TRPC5: variants seen among roughly 807,000 people sequenced by gnomAD.
TRPC5 encodes transient receptor potential cation channel subfamily C member 5.
Under a neutral mutation model 56.5 loss-of-function variants are expected in TRPC5, and 9 were observed. The observed-to-expected ratio is 0.16, with a 90% confidence interval of 0.10 to 0.28. The LOEUF (loss-of-function observed/expected upper bound fraction) is 0.28, where lower values mean the gene tolerates loss of function less well. Ranked by LOEUF, TRPC5 falls within the 10% of genes least tolerant of loss-of-function variation. The pLI, the probability that TRPC5 is intolerant of heterozygous loss-of-function variation, is 1.00. For synonymous variants in TRPC5, 282 were observed against 278.5 expected (o/e 1.01, Z -0.13); for missense variants, 469 against 748.9 (o/e 0.63, Z 4.36).
intron 1 of TRPC5, among the ~76,000 whole-genome samples, chrX:111,999,920 C>T (rs917271638): frequency 7.2e-5 from 8 of 111,316 alleles, no homozygotes; most frequent in African/African-American, 2.0e-4. Flanking sequence ...GACCCGAGAT[C>T]GCACCACTGC....
At chrX:111,978,916 G>A (rs187358059) in intron 1 of TRPC5, among the ~76,000 whole-genome samples, 153 of 110,833 alleles carry the variant, frequency 1.4e-3, no homozygotes, top group African/African-American at 2.1e-3. Context: ...AAAAAGACCC[G>A]CAGCTAACAT....
chrX:111,828,791 CA>C (rs984576509), intron 7 of TRPC5, among the ~76,000 whole-genome samples: 43 of 111,728 alleles, frequency 3.8e-4, no homozygotes, highest in Non-Finnish European at 3.2e-4. Flanking sequence ...TGGCTTTGAC[CA>C]AAATGCTGAT....
intron 1 of TRPC5, among the ~76,000 whole-genome samples, chrX:111,994,619 A>T: frequency 9.0e-6 from 1 of 111,298 alleles, no homozygotes. Context: ...GGTCCTTCAC[A>T]TCCCTTGTAT....
intron 3 of TRPC5, among the ~76,000 whole-genome samples, chrX:111,895,338 G>A (rs774619890): frequency 9.0e-6 from 1 of 111,543 alleles, no homozygotes; most frequent in Non-Finnish European, 1.9e-5. Context: ...CCTCTATGAA[G>A]TGCCAGTTCA....
intron 3 of TRPC5, among the ~76,000 whole-genome samples, chrX:111,883,316 C>G (rs1292592902): frequency 8.9e-6 from 1 of 111,979 alleles, no homozygotes. Flanking sequence ...CCAACTGGGA[C>G]CTATTCAGGG....
chrX:111,935,290 C>A (rs1926534242), intron 2 of TRPC5, among the ~76,000 whole-genome samples: 1 of 111,973 alleles, frequency 8.9e-6, no homozygotes, highest in South Asian at 3.7e-4. Flanking sequence ...CTTTGTAGAT[C>A]TTTTGCCTAT....
intron 1 of TRPC5, among the ~76,000 whole-genome samples, chrX:111,994,716 G>A (rs1928470209): frequency 9.0e-6 from 1 of 111,181 alleles, no homozygotes; most frequent in Non-Finnish European, 1.9e-5. Context: ...TCTGTTAATG[G>A]TGTACAGGAA....
chrX:111,984,298 C>T lies in TRPC5; in HGVS notation c.-21-31857G>A, dbSNP rs754717298. 6.3e-5 allele frequency among the ~76,000 whole-genome samples: 7 copies of T among 111,778 alleles called. No homozygotes were observed. In the East Asian group the frequency reaches 8.5e-4, roughly 14 times the overall value. Reference sequence around the variant, plus strand: ...GTTCGGCTGGGTGATGTAGCTCAAGCGACAGAGAAGCTTGCACAGCAGCCT... The same window carrying T: ...GTTCGGCTGGGTGATGTAGCTCAAGTGACAGAGAAGCTTGCACAGCAGCCT... On this transcript the variant is annotated intron_variant, in intron 1 of 10. Transcript: ENST00000262839.
intron 2 of TRPC5, among the ~76,000 whole-genome samples, chrX:111,923,396 C>A (rs750434471): frequency 1.8e-5 from 2 of 111,403 alleles, no homozygotes; most frequent in Admixed American, 9.6e-5. Flanking sequence ...AAGATAGGAG[C>A]TAAATCTATG....
At chrX:111,918,774 T>C (rs1926044764) in intron 2 of TRPC5, among the ~76,000 whole-genome samples, 1 of 110,262 alleles carries the variant, frequency 9.1e-6, no homozygotes, top group African/African-American at 3.3e-5. Flanking sequence ...GGACAGAGAG[T>C]AGGGTGCTAG....
intron 1 of TRPC5, among the ~76,000 whole-genome samples, chrX:112,051,656 A>G (rs1396244178): frequency 8.9e-6 from 1 of 112,424 alleles, no homozygotes; most frequent in Admixed American, 9.4e-5. Context: ...AAAATTTACC[A>G]TCTTAACCAG....
rs1569527962 is a variant in TRPC5 at position 111,909,347 on chromosome X, TA to T, written c.900+2943del. On this transcript the variant is annotated intron_variant, in intron 3 of 10. Transcript: ENST00000262839. ...TCCGTCTCAAAAATAAATAAATAAATAAATAAATAAATTAATTAATTAATTT... is the reference window on the plus strand; with the variant it reads ...TCCGTCTCAAAAATAAATAAATAAATAATAAATAAATTAATTAATTAATTT... Among the ~76,000 whole-genome samples, 24 of 105,349 alleles carry T rather than the reference TA, an allele frequency of 2.3e-4. No individual in the cohort carries two copies. In the East Asian group the frequency reaches 2.4e-3, roughly 10 times the overall value. 91.5% of individuals were successfully genotyped at this position (105,349 alleles called of 115,157 possible).
At chrX:112,005,861 G>A (rs764034774) in intron 1 of TRPC5, among the ~76,000 whole-genome samples, 94 of 111,887 alleles carry the variant, frequency 8.4e-4, no homozygotes, top group African/African-American at 2.9e-3. Flanking sequence ...GAACTGTCCC[G>A]GAGCTGTTTC....
intron 1 of TRPC5, among the ~76,000 whole-genome samples, chrX:111,964,699 C>A (rs1927506198): frequency 9.0e-6 from 1 of 111,699 alleles, no homozygotes; most frequent in African/African-American, 3.3e-5. Flanking sequence ...AATTTTCAAC[C>A]CAGAATTTCA....
chrX:111,932,485 G>A (rs1422488840), intron 2 of TRPC5, among the ~76,000 whole-genome samples: 1 of 109,530 alleles, frequency 9.1e-6, no homozygotes, highest in Non-Finnish European at 1.9e-5. Context: ...TGAAAGAAGA[G>A]AGTGTCAAAG....
chrX:111,964,386 T>A (rs975634466), intron 1 of TRPC5, among the ~76,000 whole-genome samples: 3 of 112,412 alleles, frequency 2.7e-5, no homozygotes, highest in African/African-American at 9.7e-5. Flanking sequence ...TGGAACCAAG[T>A]TGGAAAACAC....
At chrX:111,831,299 T>C (rs778138116) in intron 7 of TRPC5, among the ~76,000 whole-genome samples, 10 of 112,462 alleles carry the variant, frequency 8.9e-5, no homozygotes, top group African/African-American at 2.9e-4. Flanking sequence ...TGGTTATCAG[T>C]CCTGCTGATA....
intron 1 of TRPC5, among the ~76,000 whole-genome samples, chrX:112,065,077 C>CA (rs61593071): frequency 0.15 from 6,914 of 45,796 alleles, 346 homozygotes; most frequent in African/African-American, 0.24. Context: ...GACTACGTCT[C>CA]AAAAAAAAAA....
intron 7 of TRPC5, among the ~76,000 whole-genome samples, chrX:111,818,332 A>AT (rs1244575710): frequency 9.0e-6 from 1 of 111,058 alleles, no homozygotes; most frequent in African/African-American, 3.3e-5. Flanking sequence ...CTATTATTCT[A>AT]TTTTTTCTCA....
Sources: allele counts gnomAD v4.1 joint callset (sites outside exome capture counted in the v4.1 genomes callset), GRCh38; gene constraint gnomAD v4.1.1; transcripts MANE v1.5; gene names NCBI Gene and HGNC (gene_info 2026-07-23, HGNC 2026-07-21).